SHPRH: variants seen among roughly 807,000 people sequenced by gnomAD.
SHPRH encodes the protein E3 ubiquitin-protein ligase SHPRH.
Under a neutral mutation model 202.5 loss-of-function variants are expected in SHPRH, and 106 were observed. The observed-to-expected ratio is 0.52, with a 90% CI of 0.45 to 0.62. SHPRH has a LOEUF of 0.62. SHPRH is among the 20% of genes least tolerant of loss of function. The pLI is 0.00. For missense variants in SHPRH, 1,710 were observed against 2,020.0 expected (o/e 0.85, Z 2.94); for synonymous variants, 729 against 686.0 (o/e 1.06, Z -0.98).
Position 145,946,270 on chromosome 6 carries a change from A to G in SHPRH, c.1284T>C (p.Asn428=). Residue 428 remains asparagine, a synonymous_variant, in exon 7 of 30, where the codon AAT becomes AAC. Coordinates refer to ENST00000275233, the MANE Select transcript of SHPRH (RefSeq NM_001042683.3). ...CTTTTTCTTTTGGTTCAAATTCGATATTCTGGATTTCTGTCTTTTTCAGTT... is the reference window on the plus strand; with the variant it reads ...CTTTTTCTTTTGGTTCAAATTCGATGTTCTGGATTTCTGTCTTTTTCAGTT... ...GGKLKKTEIQ[N]IEFEPKEKVQ... 1 of 1,609,140 alleles carries G rather than the reference A, an allele frequency of 6.2e-7. No homozygotes were observed. The highest frequency in any genetic ancestry group is 8.5e-7 in the Non-Finnish European group (1 of 1,177,616).
intron 1 of SHPRH, among the ~76,000 whole-genome samples, chr6:145,958,491 A>T (rs1290932972): frequency 6.6e-6 from 1 of 152,132 alleles, no homozygotes; most frequent in Non-Finnish European, 1.5e-5. Flanking sequence ...TGAATAGACC[A>T]ATAACCATAA....
chr6:145,921,357 A>G lies in SHPRH; in HGVS notation c.3818T>C (p.Ile1273Thr). ...KGQTAIFEEM[I>T]EDEEGLVDDR... ...ATCCACCAGTCCTTCTTCATCTTCT[A>G]TCATCTCCTCAAATATTGCAGTCTG... is the stretch of plus-strand genomic sequence containing the variant. Residue 1273 changes from isoleucine (I) to threonine (T), a missense_variant, in exon 21 of 30, where the codon ATA (isoleucine) becomes ACA (threonine). Ile to Thr is a moderately conservative substitution (Grantham distance 89). Coordinates refer to ENST00000275233, the MANE Select transcript of SHPRH (RefSeq NM_001042683.3). 1 of 1,612,582 alleles carries G rather than the reference A, an allele frequency of 6.2e-7. No individual in the cohort carries two copies. The highest frequency in any genetic ancestry group is 8.5e-7 in the Non-Finnish European group (1 of 1,179,148).
intron 28 of SHPRH, 81 bp downstream of exon 28, chr6:145,893,134 A>G: frequency 8.0e-7 from 1 of 1,242,968 alleles, no homozygotes; most frequent in Non-Finnish European, 1.0e-6. Context: ...GCTATGATGA[A>G]CATAAATGAA....
chr6:145,861,036 AAAT>A (rs1194000632), downstream of SHPRH, among the ~76,000 whole-genome samples: 10 of 152,156 alleles, frequency 6.6e-5, no homozygotes, highest in African/African-American at 2.4e-4. Context: ...AAAAGTCTTT[AAAT>A]AGAGGAAAAA....
intron 2 of SHPRH, among the ~76,000 whole-genome samples, chr6:145,954,148 G>A (rs915938965): frequency 6.0e-4 from 91 of 151,776 alleles, no homozygotes; most frequent in African/African-American, 1.9e-3. Context: ...AACAACTCAA[G>A]CAGAAGGAAC....
intron 28 of SHPRH, among the ~76,000 whole-genome samples, chr6:145,890,038 TTG>T (rs1781445213): frequency 6.6e-6 from 1 of 152,224 alleles, no homozygotes; most frequent in Non-Finnish European, 1.5e-5. Flanking sequence ...CTAGTTTTTG[TTG>T]TCTCTAATGA....
chr6:145,931,840 T>C (rs777376667), intron 14 of SHPRH, among the ~76,000 whole-genome samples: 6 of 152,020 alleles, frequency 3.9e-5, no homozygotes, highest in Non-Finnish European at 5.9e-5. Context: ...CTTTGTATCA[T>C]TGCTTTTACA....
At chr6:145,943,931 A>C in intron 8 of SHPRH, 129 bp from the exon 9 acceptor site, 4 of 864,726 alleles carry the variant, frequency 4.6e-6, no homozygotes, top group African/African-American at 1.7e-5. Flanking sequence ...CCTGAGGAGA[A>C]TCACTCCTGA....
chr6:145,868,065 T>A (rs1266091867), intron 2 of SHPRH, among the ~76,000 whole-genome samples: 1 of 152,092 alleles, frequency 6.6e-6, no homozygotes, highest in African/African-American at 2.4e-5. Context: ...TGAGGTCAAG[T>A]TGATTTATTT....
At chr6:145,951,039 C>A (rs750140009) in intron 3 of SHPRH, among the ~76,000 whole-genome samples, 40 of 152,164 alleles carry the variant, frequency 2.6e-4, no homozygotes, top group Admixed American at 4.6e-4. Context: ...CATTTTATTT[C>A]TTATGCTAGA....
chr6:145,943,587 T>C lies in SHPRH; in HGVS notation c.1794A>G (p.Gln598=). Residue 598 remains glutamine (Q), a synonymous_variant, in exon 9 of 30, where the codon CAA becomes CAG. Transcript: ENST00000275233. ...AGTCGCTAGTAGCTGGACAGTGACC[T>C]TGTGAATCGGGATTGATAAATGGTT... ...KSQPFINPDS[Q]GHCPATSDSG... The C allele has an allele frequency of 6.2e-7, 1 of 1,613,964 alleles. No individual in the cohort carries two copies. Among genetic ancestry groups the C allele is most frequent in the Non-Finnish European group, 8.5e-7 (1 of 1,179,902 alleles).
At chr6:145,899,440 A>G (rs1782300510) in intron 25 of SHPRH, among the ~76,000 whole-genome samples, 2 of 152,108 alleles carry the variant, frequency 1.3e-5, no homozygotes, top group Admixed American at 1.3e-4. Context: ...CACAATGGGG[A>G]AAAAACAGTC....
At chr6:145,898,975 C>A (rs1306027664) in intron 25 of SHPRH, among the ~76,000 whole-genome samples, 1 of 151,976 alleles carries the variant, frequency 6.6e-6, no homozygotes, top group Non-Finnish European at 1.5e-5. Context: ...CCACACCTGG[C>A]TACTTTTAAA....
At chr6:145,945,153 G>T (rs1192393612) in intron 8 of SHPRH, among the ~76,000 whole-genome samples, 4 of 152,154 alleles carry the variant, frequency 2.6e-5, no homozygotes, top group Non-Finnish European at 4.4e-5. Context: ...CTGAGTATTT[G>T]TTACGTGCCA....
chr6:145,896,632 C>T (rs1176496880), intron 25 of SHPRH, among the ~76,000 whole-genome samples: 1 of 151,938 alleles, frequency 6.6e-6, no homozygotes, highest in Non-Finnish European at 1.5e-5. Context: ...TAGTTACTTC[C>T]TACTTTCCTA....
rs200981748 is a variant in SHPRH, at chr6:145,922,812, C to A, written c.3570G>T (p.Gln1190His). 6.0e-5 allele frequency: 96 copies of A among 1,610,938 alleles called. No homozygotes were observed. The highest frequency in any genetic ancestry group is 7.6e-5 in the Non-Finnish European group (90 of 1,178,258). ...CTTCCATTTGTGTTGTAAGTAAGAA[C>A]TGAAGACCTCTGCAATCACGGAACC... Reference protein sequence around the residue: ...SEKFRDCRGLQFLLTTQMEEL... With the variant: ...SEKFRDCRGLHFLLTTQMEEL... The change falls in exon 19 of 30, where the codon CAG becomes CAT. Residue 1190 changes from glutamine to histidine, a missense_variant. Gln to His is a conservative substitution (Grantham distance 24). Transcript: ENST00000275233.
At chr6:145,953,327 G>A (rs914372441) in intron 2 of SHPRH, among the ~76,000 whole-genome samples, 5 of 152,032 alleles carry the variant, frequency 3.3e-5, no homozygotes, top group African/African-American at 1.2e-4. Context: ...TCTTACTACA[G>A]CAGCAATAAA....
At chr6:145,882,260 A>C (rs1780634306), downstream of SHPRH, among the ~76,000 whole-genome samples, 1 of 152,196 alleles carries the variant, frequency 6.6e-6, no homozygotes, top group Non-Finnish European at 1.5e-5. Flanking sequence ...ATCATTAACA[A>C]CTTATGAAAA....
chr6:145,960,489 A>G (rs902123344), intron 1 of SHPRH, among the ~76,000 whole-genome samples: 1 of 152,212 alleles, frequency 6.6e-6, no homozygotes, highest in Non-Finnish European at 1.5e-5. Context: ...TTATTGTGGA[A>G]TCATTAACTC....
Sources: allele counts gnomAD v4.1 joint callset (sites outside exome capture counted in the v4.1 genomes callset), GRCh38; gene constraint gnomAD v4.1.1; transcripts MANE v1.5; gene names NCBI Gene and HGNC (gene_info 2026-07-23, HGNC 2026-07-21).